Variants in SMG6 observed in about 807,000 individuals in gnomAD.
The protein encoded by SMG6 is SMG6 nonsense mediated mRNA decay factor, also known as telomerase-binding protein EST1A.
In SMG6, 66 loss-of-function variants were observed where a neutral mutation model predicts 142.2. That is an observed-to-expected ratio of 0.46 (90% CI 0.38 to 0.57). SMG6 has a LOEUF of 0.57. Among genes scored for constraint, SMG6 ranks in the 20% least tolerant of loss-of-function variants. The probability of loss-of-function intolerance (pLI) is 0.00; values close to 1 mark genes in which losing one functional copy is unlikely to be tolerated. For missense variants in SMG6, 1,793 were observed against 1,832.0 expected (o/e 0.98, Z 0.39); for synonymous variants, 779 against 702.4 (o/e 1.11, Z -1.72).
At chr17:2,083,619 C>T (rs193214458) in intron 14 of SMG6, among the ~76,000 whole-genome samples, 4 of 152,310 alleles carry the variant, frequency 2.6e-5, no homozygotes, top group Admixed American at 6.5e-5. Flanking sequence ...AGGCCCAGGC[C>T]GTGGAAAGAA....
At chr17:2,263,173 G>A (rs1414924973) in intron 8 of SMG6, among the ~76,000 whole-genome samples, 2 of 152,044 alleles carry the variant, frequency 1.3e-5, no homozygotes, top group African/African-American at 4.8e-5. Flanking sequence ...AATCATTCTG[G>A]GTTAAAAATT....
At chr17:2,291,870 A>AAG (rs1455334401) in intron 6 of SMG6, among the ~76,000 whole-genome samples, 1 of 144,652 alleles carries the variant, frequency 6.9e-6, no homozygotes, top group African/African-American at 2.5e-5. Flanking sequence ...AAAAAAAAAA[A>AAG]AGAGAGAGAC....
chr17:2,270,357 C>G (rs1213394643), intron 8 of SMG6, among the ~76,000 whole-genome samples: 1 of 152,160 alleles, frequency 6.6e-6, no homozygotes, highest in African/African-American at 2.4e-5. Context: ...TGCTTGTAAT[C>G]CTAGCACTTT....
intron 12 of SMG6, among the ~76,000 whole-genome samples, chr17:2,181,343 G>C (rs569212335): frequency 6.6e-6 from 1 of 152,188 alleles, no homozygotes; most frequent in African/African-American, 2.4e-5. Flanking sequence ...TGTTGAACGC[G>C]GGCACCAGTC....
At chr17:2,106,362 C>T (rs184671974) in intron 13 of SMG6, among the ~76,000 whole-genome samples, 60 of 152,270 alleles carry the variant, frequency 3.9e-4, no homozygotes, top group Middle Eastern at 3.4e-3. Flanking sequence ...AAGCCACCAA[C>T]GTGCCTTTTA....
intron 13 of SMG6, among the ~76,000 whole-genome samples, chr17:2,124,128 G>T (rs973154817): frequency 6.6e-6 from 1 of 152,196 alleles, no homozygotes; most frequent in Non-Finnish European, 1.5e-5. Flanking sequence ...AGCTGAGCAG[G>T]CTGGGTGGGA....
intron 10 of SMG6, among the ~76,000 whole-genome samples, chr17:2,218,004 G>A (rs760713058): frequency 3.7e-4 from 55 of 148,138 alleles, no homozygotes; most frequent in Non-Finnish European, 5.5e-4. Context: ...AGCGAGACTC[G>A]GTCTCAAAAA....
At chr17:2,179,582 GT>G (rs35841700) in intron 12 of SMG6, among the ~76,000 whole-genome samples, 51,697 of 147,974 alleles carry the variant, frequency 0.35, 9,244 homozygotes, top group African/African-American at 0.47. Context: ...AATTTCTAGA[GT>G]TTTTTTTTTT....
At chr17:2,196,029 C>T (rs1263022154) in intron 10 of SMG6, among the ~76,000 whole-genome samples, 1 of 152,132 alleles carries the variant, frequency 6.6e-6, no homozygotes, top group African/African-American at 2.4e-5. Context: ...AAAAACATGC[C>T]ATCGTTTACA....
chr17:2,171,640 C>T (rs1426611890), intron 13 of SMG6, among the ~76,000 whole-genome samples: 1 of 151,738 alleles, frequency 6.6e-6, no homozygotes, highest in Non-Finnish European at 1.5e-5. Flanking sequence ...TCTCAAAGTG[C>T]TGGGATTAAA....
intron 12 of SMG6, chr17:2,173,135 T>C: frequency 4.5e-6 from 2 of 440,400 alleles, no homozygotes; most frequent in Non-Finnish European, 4.2e-6. Context: ...AGTTGCCTAA[T>C]GCAGGGTCCT....
intron 13 of SMG6, among the ~76,000 whole-genome samples, chr17:2,125,173 T>C (rs1356448898): frequency 6.6e-6 from 1 of 152,110 alleles, no homozygotes; most frequent in African/African-American, 2.4e-5. Context: ...AACAGACATT[T>C]CCAAAGGGAA....
intron 13 of SMG6, among the ~76,000 whole-genome samples, chr17:2,092,072 G>A (rs973712329): frequency 1.3e-5 from 2 of 150,868 alleles, no homozygotes; most frequent in Admixed American, 1.3e-4. Flanking sequence ...TGCAACCTCC[G>A]CCTCCCGGGT....
At chr17:2,293,095 C>T in intron 4 of SMG6, 118 bp from the exon 5 acceptor site, 1 of 719,210 alleles carries the variant, frequency 1.4e-6, no homozygotes, top group African/African-American at 1.8e-5. Context: ...CGGTCCTCAA[C>T]AAAGTATAAA....
intron 13 of SMG6, among the ~76,000 whole-genome samples, chr17:2,171,314 T>C (rs2071494270): frequency 6.6e-6 from 1 of 150,836 alleles, no homozygotes; most frequent in Non-Finnish European, 1.5e-5. Flanking sequence ...AAATAGTATA[T>C]ATAAATATTA....
chr17:2,103,297 T>C (rs961271917), intron 13 of SMG6, among the ~76,000 whole-genome samples: 7 of 152,164 alleles, frequency 4.6e-5, no homozygotes, highest in Admixed American at 2.6e-4. Context: ...GAGCTGGGCT[T>C]GGCCTTTTTG....
intron 4 of SMG6, among the ~76,000 whole-genome samples, 154 bp downstream of exon 4, chr17:2,297,089 C>A (rs1443247995): frequency 6.6e-6 from 1 of 151,688 alleles, no homozygotes; most frequent in East Asian, 1.9e-4. Context: ...GTACATATGA[C>A]ATTACAATTG....
intron 10 of SMG6, chr17:2,232,622 G>A (rs1156613708): frequency 6.6e-6 from 1 of 152,116 alleles, no homozygotes; most frequent in Non-Finnish European, 1.5e-5. Flanking sequence ...CCAACTACCT[G>A]AGTGTGCAGT....
At chr17:2,256,607 AAAAAT>A (rs776902874) in intron 8 of SMG6, among the ~76,000 whole-genome samples, 8 of 152,144 alleles carry the variant, frequency 5.3e-5, no homozygotes, top group South Asian at 2.1e-4. Context: ...TACAAAAAAT[AAAAAT>A]AAAATAAAAT....
Sources: allele counts gnomAD v4.1 joint callset (sites outside exome capture counted in the v4.1 genomes callset), GRCh38; gene constraint gnomAD v4.1.1; transcripts MANE v1.5; gene names NCBI Gene and HGNC (gene_info 2026-07-23, HGNC 2026-07-21).